The following SETBP1 variants were observed in gnomAD, a reference collection of about 807,000 sequenced individuals.
SETBP1 encodes SET-binding protein.
In SETBP1, 9 loss-of-function variants were observed where a neutral mutation model predicts 101.0. The ratio of observed to expected loss-of-function variants is 0.09; its 90% CI spans 0.05 to 0.16. The LOEUF is 0.16. Ranked by LOEUF, SETBP1 falls within the 10% of genes least tolerant of loss-of-function variation. The probability of loss-of-function intolerance (pLI) is 1.00; values close to 1 mark genes in which losing one functional copy is unlikely to be tolerated. For synonymous variants in SETBP1, 818 were observed against 788.5 expected (o/e 1.04, Z -0.63); for missense variants, 1,858 against 2,033.8 (o/e 0.91, Z 1.66).
intron 1 of SETBP1, among the ~76,000 whole-genome samples, chr18:44,696,921 C>T (rs1014952136): frequency 4.6e-5 from 7 of 152,154 alleles, no homozygotes; most frequent in African/African-American, 1.4e-4. Context: ...TGCCTGGGGC[C>T]GACAAGGCTG....
At chr18:45,015,708 T>G (rs905624608) in intron 4 of SETBP1, among the ~76,000 whole-genome samples, 39 of 152,200 alleles carry the variant, frequency 2.6e-4, no homozygotes, top group Non-Finnish European at 4.4e-5. Flanking sequence ...AACAAGCACA[T>G]GTGTGATAAA....
At chr18:44,990,202 C>A (rs944852716) in intron 4 of SETBP1, among the ~76,000 whole-genome samples, 6 of 151,878 alleles carry the variant, frequency 4.0e-5, no homozygotes, top group African/African-American at 4.8e-5. Context: ...GCGTATACTG[C>A]AGAAAGACAA....
At chr18:44,955,900 G>A (rs942143356) in intron 4 of SETBP1, among the ~76,000 whole-genome samples, 4 of 152,172 alleles carry the variant, frequency 2.6e-5, no homozygotes, top group East Asian at 1.9e-4. Flanking sequence ...GAAGACACTC[G>A]TTTATTCAAT....
At chr18:44,975,520 G>C (rs1350963637) in intron 4 of SETBP1, among the ~76,000 whole-genome samples, 2 of 152,112 alleles carry the variant, frequency 1.3e-5, no homozygotes, top group East Asian at 3.9e-4. Context: ...ACAAAGTGAA[G>C]ATACTGTACC....
intron 4 of SETBP1, among the ~76,000 whole-genome samples, chr18:45,032,448 C>T (rs2073316079): frequency 6.6e-6 from 1 of 152,004 alleles, no homozygotes; most frequent in African/African-American, 2.4e-5. Context: ...AGTATTCTGC[C>T]CAAGAGTAAC....
intron 2 of SETBP1, among the ~76,000 whole-genome samples, chr18:44,780,330 G>A (rs1269399609): frequency 6.6e-6 from 1 of 152,148 alleles, no homozygotes; most frequent in Non-Finnish European, 1.5e-5. Flanking sequence ...CTGCCCCTCT[G>A]AATAACACAC....
intron 2 of SETBP1, among the ~76,000 whole-genome samples, chr18:44,724,127 G>T (rs986318907): frequency 3.3e-5 from 5 of 152,210 alleles, no homozygotes; most frequent in Admixed American, 3.3e-4. Flanking sequence ...ACACAGGCAA[G>T]GATGGGGAAA....
intron 2 of SETBP1, among the ~76,000 whole-genome samples, chr18:44,779,908 C>A (rs924832774): frequency 2.0e-5 from 3 of 151,360 alleles, no homozygotes; most frequent in Non-Finnish European, 4.4e-5. Flanking sequence ...AATTGCAGCC[C>A]CGAACACACA....
intron 2 of SETBP1, among the ~76,000 whole-genome samples, chr18:44,726,673 G>A (rs564785879): frequency 1.4e-4 from 21 of 152,196 alleles, no homozygotes; most frequent in Non-Finnish European, 2.5e-4. Flanking sequence ...TCACGTGTTT[G>A]ATTCTAAGTG....
intron 2 of SETBP1, among the ~76,000 whole-genome samples, chr18:44,739,641 C>G (rs1387518353): frequency 1.3e-5 from 2 of 152,188 alleles, no homozygotes; most frequent in East Asian, 3.8e-4. Flanking sequence ...GGATTCAGGT[C>G]TTTCACATTT....
chr18:44,684,915 G>A (rs920192368), intron 1 of SETBP1, among the ~76,000 whole-genome samples: 1 of 152,104 alleles, frequency 6.6e-6, no homozygotes, highest in Non-Finnish European at 1.5e-5. Flanking sequence ...CCAAAGTGGT[G>A]GGATTACAGG....
intron 2 of SETBP1, among the ~76,000 whole-genome samples, chr18:44,857,666 G>T (rs1290583529): frequency 2.0e-5 from 3 of 152,142 alleles, no homozygotes; most frequent in African/African-American, 7.2e-5. Flanking sequence ...CATTCATTTT[G>T]CTCAGTCTCA....
At chr18:44,818,167 T>A (rs573249846) in intron 2 of SETBP1, among the ~76,000 whole-genome samples, 101 of 152,366 alleles carry the variant, frequency 6.6e-4, no homozygotes, top group African/African-American at 2.4e-3. Context: ...TAACCCCACA[T>A]TCTGCACTCT....
chr18:44,876,806 A>G, intron 3 of SETBP1: 7 of 1,445,108 alleles, frequency 4.8e-6, no homozygotes, highest in Non-Finnish European at 6.4e-6. Context: ...TGTTCTTTCC[A>G]TTCAACAATG....
At chr18:44,967,705 G>T (rs1326802581) in intron 4 of SETBP1, among the ~76,000 whole-genome samples, 2 of 152,092 alleles carry the variant, frequency 1.3e-5, no homozygotes, top group Non-Finnish European at 2.9e-5. Context: ...TTTGCTTCTA[G>T]GGGCTGCCCA....
chr18:44,992,897 T>C (rs1046462023), intron 4 of SETBP1, among the ~76,000 whole-genome samples: 8 of 152,066 alleles, frequency 5.3e-5, no homozygotes, highest in Admixed American at 2.6e-4. Context: ...TAAAGATAGA[T>C]ATAAAAATTC....
chr18:44,991,403 A>G (rs1000695574), intron 4 of SETBP1, among the ~76,000 whole-genome samples: 2 of 152,102 alleles, frequency 1.3e-5, no homozygotes, highest in African/African-American at 2.4e-5. Context: ...TGTAAAACAT[A>G]TACCTAAAAT....
At chr18:44,861,313 A>G (rs1425221401) in intron 2 of SETBP1, among the ~76,000 whole-genome samples, 2 of 131,462 alleles carry the variant, frequency 1.5e-5, no homozygotes, top group Non-Finnish European at 3.0e-5. Context: ...ATCTCGGCTC[A>G]CTGCAACCTC....
At chr18:44,865,331 G>T (rs1339381652) in intron 2 of SETBP1, among the ~76,000 whole-genome samples, 1 of 152,172 alleles carries the variant, frequency 6.6e-6, no homozygotes, top group Middle Eastern at 3.2e-3. Flanking sequence ...CTGAGTGAAG[G>T]TAGAGAGACA....
Sources: allele counts gnomAD v4.1 joint callset (sites outside exome capture counted in the v4.1 genomes callset), GRCh38; gene constraint gnomAD v4.1.1; transcripts MANE v1.5; gene names NCBI Gene and HGNC (gene_info 2026-07-23, HGNC 2026-07-21).